The following CCDC154 variants were observed in gnomAD, a reference collection of about 807,000 sequenced individuals.
CCDC154 encodes the protein coiled-coil domain-containing protein 154.
A neutral mutation model predicts 87.5 loss-of-function variants in CCDC154; 91 were observed. The observed-to-expected ratio is 1.04, with a 90% CI of 0.88 to 1.24. CCDC154 has a LOEUF of 1.24. Ranked by LOEUF, CCDC154 falls within the 50% of genes most tolerant of loss-of-function variation. The pLI is 0.00. For synonymous variants in CCDC154, 418 were observed against 400.4 expected (o/e 1.04, Z -0.52); for missense variants, 903 against 879.2 (o/e 1.03, Z -0.34).
At chr16:1,441,674 G>A (rs2038552974) in intron 6 of CCDC154, among the ~76,000 whole-genome samples, 1 of 152,208 alleles carries the variant, frequency 6.6e-6, no homozygotes, top group Admixed American at 6.5e-5. Context: ...GTGGACCCGG[G>A]CAGGCGCTGG....
chr16:1,440,478 GAAGAGAAGAGAACAGAA>G (rs1834095813), intron 6 of CCDC154, among the ~76,000 whole-genome samples: 2 of 150,170 alleles, frequency 1.3e-5, no homozygotes, highest in South Asian at 2.1e-4. Context: ...GAAGAGAAGA[GAAGAGAAGAGAACAGAA>G]AAGAGAAGAG....
intron 13 of CCDC154, 112 bp downstream of exon 13, chr16:1,436,333 G>C (rs2038501522): frequency 1.9e-6 from 2 of 1,043,420 alleles, no homozygotes; most frequent in South Asian, 2.9e-5. Context: ...GGGCTCAGGG[G>C]GAACAGGTCT....
rs2038529203 is a variant in CCDC154 at position 1,439,142 on chromosome 16, A to G, written c.676-16T>C. 1.3e-6 allele frequency: 2 copies of G among 1,547,996 alleles called. No individual in the cohort carries two copies. Among genetic ancestry groups the G allele is most frequent in the South Asian group, 1.2e-5 (1 of 83,994 alleles). Reference sequence around the variant, plus strand: ...TCACCTGGGCCTGGGGCGGAGGCACATTGTCCCGTGTGCAGCCTCTGCTGG... The same window carrying G: ...TCACCTGGGCCTGGGGCGGAGGCACGTTGTCCCGTGTGCAGCCTCTGCTGG... On this transcript the variant is annotated splice_polypyrimidine_tract_variant and intron_variant, in intron 6 of 16. Transcript: ENST00000389176.
chr16:1,434,947 AT>A (rs2038487645), intron 15 of CCDC154, 95 bp from the exon 16 acceptor site: 4 of 1,426,008 alleles, frequency 2.8e-6, no homozygotes, highest in South Asian at 1.4e-5. Context: ...CCTGGAAGCC[AT>A]TTATCTTCAG....
intron 11 of CCDC154, 98 bp from the exon 12 acceptor site, chr16:1,436,909 AC>A: frequency 6.8e-7 from 1 of 1,469,614 alleles, no homozygotes; most frequent in East Asian, 2.5e-5. Flanking sequence ...GGCGGCCCCC[AC>A]CCCCACTTCC....
In CCDC154 at chr16:1,436,482, C is replaced by G; in HGVS notation, c.1450G>C (p.Asp484His). The G allele has an allele frequency of 6.5e-7, 1 of 1,549,064 alleles. No homozygotes were observed. The highest frequency in any genetic ancestry group is 8.7e-7 in the Non-Finnish European group (1 of 1,146,954). The change falls in exon 13 of 17, where the codon GAC (aspartate) becomes CAC (histidine). Residue 484 changes from aspartate to histidine, a missense_variant. Transcript: ENST00000389176. ...VSDKCLLHKS[D>H]SDLRISAEGK... ...TCGGCGGAAATCCTGAGGTCTGAGTCGCTCTTATGAAGCAGGCACTTGTCG... is the reference window on the plus strand; with the variant it reads ...TCGGCGGAAATCCTGAGGTCTGAGTGGCTCTTATGAAGCAGGCACTTGTCG...
At position 1,443,836 on chromosome 16, in the gene CCDC154, C is replaced by T. The variant is rs200706751; in HGVS notation, c.184G>A (p.Glu62Lys). 1.8e-4 allele frequency: 238 copies of T among 1,304,464 alleles called. 1 individual carries two copies. In the African/African-American group the frequency reaches 2.7e-3, roughly 15 times the overall value. 80.8% of individuals were successfully genotyped at this position (1,304,464 alleles called of 1,614,324 possible). A position where few individuals can be genotyped will look rare whatever the true frequency, so the allele number is the denominator to read the frequency against. ...TTCCAGTGCTTGGCGGTGTCCTGCT[C>T]GGGGACAGAGGCCGTGGATGTCGGA... ...SHPTSTASVP[E>K]QDTAKHWNQL... is the part of the protein sequence containing the mutation. Residue 62 changes from glutamate to lysine, a missense_variant, in exon 2 of 17, where the codon GAG becomes AAG. Transcript: ENST00000389176.
chr16:1,436,483 G>A lies in CCDC154; in HGVS notation c.1449C>T (p.Ser483=), dbSNP rs1458193804. 10 of 1,548,818 alleles carry A rather than the reference G, an allele frequency of 6.5e-6. No homozygotes were observed. The highest frequency in any genetic ancestry group is 5.5e-5 in the African/African-American group (4 of 73,048). The change falls in exon 13 of 17, where the codon AGC becomes AGT. Residue 483 remains serine (S), a synonymous_variant. Transcript: ENST00000389176. ...SVSDKCLLHK[S]DSDLRISAEG... ...CGGCGGAAATCCTGAGGTCTGAGTC[G>A]CTCTTATGAAGCAGGCACTTGTCGG... is the stretch of plus-strand genomic sequence containing the variant.
chr16:1,442,471 C>T lies in CCDC154; in HGVS notation c.610G>A (p.Gly204Ser), dbSNP rs1374174640. The T allele has an allele frequency of 1.7e-5, 26 of 1,550,080 alleles. No individual in the cohort carries two copies. Among genetic ancestry groups the T allele is most frequent in the East Asian group, 4.9e-5 (2 of 40,902 alleles). The change falls in exon 6 of 17, where the codon GGC (glycine) becomes AGC (serine). Residue 204 changes from glycine to serine, a missense_variant. Transcript: ENST00000389176. ...TCCTCTTGGTTCTTCTGCAGGGCGC[C>T]GCAGGCCACCTCCCGGCCCTGCTCC... is the stretch of plus-strand genomic sequence containing the variant. ...QEEQGREVACGALQKNQEDSS... is the reference protein window; with the variant it reads ...QEEQGREVACSALQKNQEDSS...
At chr16:1,437,591 C>A in intron 11 of CCDC154, 1 of 532,700 alleles carries the variant, frequency 1.9e-6, no homozygotes, top group East Asian at 3.3e-5. Flanking sequence ...CAGCTCGGGC[C>A]TCACGGGCTG....
In CCDC154 at chr16:1,443,250, GT is replaced by G; in HGVS notation, c.455+10del. 2 of 1,548,462 alleles carry G rather than the reference GT, an allele frequency of 1.3e-6. No individual in the cohort carries two copies. The highest frequency in any genetic ancestry group is 8.7e-7 in the Non-Finnish European group (1 of 1,146,364). Reference sequence around the variant, plus strand: ...GCCCTGGGCCTGTGCCCCTAGGTGTGTGGGGGGTACCTTTTGTCCAGGGCCT... The same window carrying G: ...GCCCTGGGCCTGTGCCCCTAGGTGTGGGGGGGTACCTTTTGTCCAGGGCCT... On this transcript the variant is annotated intron_variant, in intron 4 of 16. Transcript: ENST00000389176.
In CCDC154 at chr16:1,440,495, A is replaced by AG. The variant is rs747427876; in HGVS notation, c.676-1370_676-1369insC. Among the ~76,000 whole-genome samples the AG allele has an allele frequency of 2.5e-3, 379 of 149,788 alleles. 1 individual carries two copies. Among genetic ancestry groups the AG allele is most frequent in the African/African-American group, 8.8e-3 (350 of 39,950 alleles). On this transcript the variant is annotated intron_variant, in intron 6 of 16. Transcript: ENST00000389176. ...AGAGAAGAGAAGAGAAGAGAACAGAAAAGAGAAGAGAAGAGAAGAGAAGAG... is the reference window on the plus strand; with the variant it reads ...AGAGAAGAGAAGAGAAGAGAACAGAAGAAGAGAAGAGAAGAGAAGAGAAGAG...
At position 1,440,500 on chromosome 16, in the gene CCDC154, G is replaced by GAACAGAA. The variant is rs779642361; in HGVS notation, c.676-1375_676-1374insTTCTGTT. Among the ~76,000 whole-genome samples the GAACAGAA allele has an allele frequency of 1.0e-2, 1,466 of 147,306 alleles. 14 individuals are homozygous for GAACAGAA. The highest frequency in any genetic ancestry group is 0.033 in the South Asian group (157 of 4,736). On this transcript the variant is annotated intron_variant, in intron 6 of 16. Transcript: ENST00000389176. ...AGAGAAGAGAAGAGAACAGAAAAGA[G>GAACAGAA]AAGAGAAGAGAAGAGAAGAGAAAAA...
Position 1,438,729 on chromosome 16 carries a change from G to A in CCDC154, c.915C>T (p.His305=). The A allele has an allele frequency of 6.5e-7, 1 of 1,549,590 alleles. No individual in the cohort carries two copies. Among genetic ancestry groups the A allele is most frequent in the Non-Finnish European group, 8.7e-7 (1 of 1,146,528 alleles). ...RALQGQHEES[H]LLEQCQGLDA... ...CCAGGCCCTGGCACTGCTCCAGGAG[G>A]TGGCTCTCCTGCCAGGGGGTGGAGG... Residue 305 remains histidine (H), a synonymous_variant, in exon 9 of 17, where the codon CAC becomes CAT. Transcript: ENST00000389176.
At position 1,439,116 on chromosome 16, in the gene CCDC154, G is replaced by T. The variant is rs1199843145; in HGVS notation, c.686C>A (p.Thr229Asn). ...CAGGCTCACCTCTTCGCCGAGCTTG[G>T]TCACCTGGGCCTGGGGCGGAGGCAC... ...LEVARMQAQV[T>N]KLGEEVSLRF... Residue 229 changes from threonine to asparagine, a missense_variant, in exon 7 of 17, where the codon ACC becomes AAC. Thr to Asn is a moderately conservative substitution (Grantham distance 65). Transcript: ENST00000389176. 1 of 1,549,982 alleles carries T rather than the reference G, an allele frequency of 6.5e-7. No homozygotes were observed. The highest frequency in any genetic ancestry group is 8.7e-7 in the Non-Finnish European group (1 of 1,146,872).
intron 6 of CCDC154, among the ~76,000 whole-genome samples, chr16:1,440,697 T>A (rs2038543832): frequency 1.3e-5 from 2 of 151,700 alleles, no homozygotes; most frequent in South Asian, 4.2e-4. Flanking sequence ...ACGCCTGTAA[T>A]CCCAGCACTT....
At chr16:1,444,094 C>G (rs917935203) in intron 1 of CCDC154, 82 bp from the exon 2 acceptor site, 1 of 1,145,766 alleles carries the variant, frequency 8.7e-7, no homozygotes, top group Non-Finnish European at 1.2e-6. Context: ...CAAACCCCCG[C>G]AGGACCCTCG....
chr16:1,435,320 G>A (rs2038491093), intron 14 of CCDC154, 145 bp from the exon 15 acceptor site: 3 of 720,678 alleles, frequency 4.2e-6, no homozygotes, highest in South Asian at 3.4e-5. Context: ...CCCCACTGCA[G>A]GGCCCAGGAC....
At chr16:1,438,508 G>T (rs531372447) in intron 9 of CCDC154, 111 bp downstream of exon 9, 13 of 1,048,098 alleles carry the variant, frequency 1.2e-5, no homozygotes, top group Non-Finnish European at 1.7e-5. Context: ...CGAGCACTCT[G>T]CTCGGGGGAG....
Sources: allele counts gnomAD v4.1 joint callset (sites outside exome capture counted in the v4.1 genomes callset), GRCh38; gene constraint gnomAD v4.1.1; transcripts MANE v1.5; gene names NCBI Gene and HGNC (gene_info 2026-07-23, HGNC 2026-07-21).